SUPT3H: variants seen among roughly 807,000 people sequenced by gnomAD.
SUPT3H encodes transcription initiation protein SPT3 homolog.
SUPT3H carries 44 observed loss-of-function variants against 44.3 expected under a neutral mutation model. The ratio of observed to expected loss-of-function variants is 0.99; its 90% CI spans 0.78 to 1.28. The LOEUF (loss-of-function observed/expected upper bound fraction) is 1.28, where lower values mean the gene tolerates loss of function less well. Ranked by LOEUF, SUPT3H falls within the 50% of genes most tolerant of loss-of-function variation. SUPT3H has a pLI of 0.00. For missense variants in SUPT3H, 380 were observed against 387.1 expected (o/e 0.98, Z 0.15); for synonymous variants, 124 against 125.6 (o/e 0.99, Z 0.09).
At chr6:44,932,813 G>C in intron 9 of SUPT3H, 50 bp from the exon 10 acceptor site, 1 of 1,223,550 alleles carries the variant, frequency 8.2e-7, no homozygotes, top group Non-Finnish European at 1.2e-6. Flanking sequence ...ACACGCAACA[G>C]AACTACAGTG....
chr6:44,814,769 C>T (rs578202512), intron 11 of SUPT3H, among the ~76,000 whole-genome samples: 12 of 152,062 alleles, frequency 7.9e-5, no homozygotes, highest in South Asian at 4.2e-4. Context: ...CTCTGCCTTC[C>T]GGGTTCAAGC....
chr6:45,232,930 C>A (rs1474332517), intron 2 of SUPT3H, among the ~76,000 whole-genome samples: 1 of 152,110 alleles, frequency 6.6e-6, no homozygotes, highest in African/African-American at 2.4e-5. Context: ...CCTACAGAAG[C>A]GTCTGGAGTG....
rs532606872 is a variant in SUPT3H, at chr6:45,078,954, G to A, written c.186+26968C>T. On this transcript the variant is annotated intron_variant, in intron 3 of 10. Coordinates refer to ENST00000371459, the MANE Select transcript of SUPT3H (RefSeq NM_003599.4). Reference sequence around the variant, plus strand: ...CACTTGAATCTAACATGGGACATTTGTGCTTTCTTGATCTCAATGTCCACA... The same window carrying A: ...CACTTGAATCTAACATGGGACATTTATGCTTTCTTGATCTCAATGTCCACA... 3.0e-4 allele frequency among the ~76,000 whole-genome samples: 46 copies of A among 152,222 alleles called. 1 individual carries two copies. Among genetic ancestry groups the A allele is most frequent in the Middle Eastern group, 6.8e-3 (2 of 294 alleles).
chr6:45,372,007 T>C, intron 1 of SUPT3H: 4 of 934,446 alleles, frequency 4.3e-6, no homozygotes, highest in Non-Finnish European at 5.1e-6. Flanking sequence ...TTCTTTCTAC[T>C]ATACATCAAA....
At chr6:45,361,213 G>A (rs1408346039) in intron 2 of SUPT3H, among the ~76,000 whole-genome samples, 3 of 151,914 alleles carry the variant, frequency 2.0e-5, no homozygotes, top group Non-Finnish European at 4.4e-5. Context: ...TTTAATTTGT[G>A]GATGTTAGAT....
chr6:45,226,795 C>G (rs993545719), intron 2 of SUPT3H, among the ~76,000 whole-genome samples: 91 of 152,110 alleles, frequency 6.0e-4, no homozygotes, highest in Middle Eastern at 6.8e-3. Flanking sequence ...TCCTAAAGTG[C>G]TGGGATTACA....
At chr6:44,819,235 G>A (rs1024165564) in intron 11 of SUPT3H, among the ~76,000 whole-genome samples, 2 of 152,062 alleles carry the variant, frequency 1.3e-5, no homozygotes, top group African/African-American at 4.8e-5. Context: ...AATTCAACTT[G>A]ATATGGAATT....
chr6:44,861,544 G>A (rs927673566), intron 10 of SUPT3H, among the ~76,000 whole-genome samples: 114 of 152,034 alleles, frequency 7.5e-4, no homozygotes, highest in African/African-American at 2.3e-3. Flanking sequence ...CTGCCATCAC[G>A]CCCAGCTAAT....
At chr6:45,128,557 T>TATATATATATATATAC (rs1280920129) in intron 2 of SUPT3H, among the ~76,000 whole-genome samples, 21 of 56,734 alleles carry the variant, frequency 3.7e-4, no homozygotes, top group Non-Finnish European at 4.3e-4. Context: ...TATATATATA[T>TATATATATATATATAC]ACACACACAC....
intron 2 of SUPT3H, among the ~76,000 whole-genome samples, chr6:45,303,720 C>T (rs1360764121): frequency 2.0e-5 from 3 of 149,298 alleles, no homozygotes; most frequent in Non-Finnish European, 4.4e-5. Context: ...CCAGGCCGGG[C>T]ACAGTGGCTC....
At chr6:44,998,859 C>T (rs145568382) in intron 6 of SUPT3H, among the ~76,000 whole-genome samples, 2,668 of 151,740 alleles carry the variant, frequency 0.018, 53 homozygotes, top group South Asian at 0.085. Context: ...TTCATTATTT[C>T]CAATTTAATA....
rs191822384 is a variant in SUPT3H, at chr6:45,358,284, G to C, written c.101+6917C>G. 4.2e-4 allele frequency among the ~76,000 whole-genome samples: 64 copies of C among 152,238 alleles called. 1 individual carries two copies. In the East Asian group the frequency reaches 8.9e-3, roughly 21 times the overall value. ...TATGGTAGCTGTTTGCTAAGTTTAT[G>C]GCTAAACTTAAATAAAATCTACAAT... On this transcript the variant is annotated intron_variant, in intron 2 of 10. Transcript: ENST00000371459.
chr6:44,844,210 C>T (rs1163010079), intron 10 of SUPT3H, among the ~76,000 whole-genome samples: 2 of 152,102 alleles, frequency 1.3e-5, no homozygotes, highest in African/African-American at 4.8e-5. Context: ...AAGTGAACCT[C>T]GATTCTTACC....
intron 2 of SUPT3H, among the ~76,000 whole-genome samples, chr6:45,168,099 C>T (rs527464775): frequency 6.6e-6 from 1 of 152,256 alleles, no homozygotes; most frequent in South Asian, 2.1e-4. Flanking sequence ...GTGTGAGCCA[C>T]CGCGCCTGGC....
chr6:44,977,379 A>C (rs1778476953), intron 6 of SUPT3H, among the ~76,000 whole-genome samples: 1 of 152,238 alleles, frequency 6.6e-6, no homozygotes, highest in Admixed American at 6.5e-5. Flanking sequence ...TGTGTCAGGG[A>C]GAAAGATAAG....
At chr6:44,987,336 T>A (rs1779961683) in intron 6 of SUPT3H, among the ~76,000 whole-genome samples, 1 of 151,662 alleles carries the variant, frequency 6.6e-6, no homozygotes, top group Non-Finnish European at 1.5e-5. Flanking sequence ...AGCCCCTTTT[T>A]ATGGGATGGT....
downstream of SUPT3H, among the ~76,000 whole-genome samples, chr6:44,822,493 T>A (rs1260648579): frequency 6.6e-6 from 1 of 152,204 alleles, no homozygotes; most frequent in Non-Finnish European, 1.5e-5. Context: ...AGTTTGTAAT[T>A]CTTTTTCAAG....
chr6:45,284,472 G>T (rs922352584), intron 2 of SUPT3H, among the ~76,000 whole-genome samples: 1 of 152,076 alleles, frequency 6.6e-6, no homozygotes, highest in Non-Finnish European at 1.5e-5. Context: ...ACACCTCTAC[G>T]CAAATAAACT....
intron 2 of SUPT3H, among the ~76,000 whole-genome samples, chr6:45,117,709 AAAT>A (rs1801039540): frequency 6.6e-6 from 1 of 152,120 alleles, no homozygotes; most frequent in South Asian, 2.1e-4. Context: ...AAAAATATGG[AAAT>A]AATGCAACTT....
Sources: allele counts gnomAD v4.1 joint callset (sites outside exome capture counted in the v4.1 genomes callset), GRCh38; gene constraint gnomAD v4.1.1; transcripts MANE v1.5; gene names NCBI Gene and HGNC (gene_info 2026-07-23, HGNC 2026-07-21).